AGO1: variants seen among roughly 807,000 people sequenced by gnomAD.
AGO1 encodes the protein protein argonaute-1.
AGO1 carries 11 observed loss-of-function variants against 109.2 expected under a neutral mutation model. The ratio of observed to expected loss-of-function variants is 0.10; its 90% CI spans 0.06 to 0.17. AGO1 has a LOEUF of 0.17. Ranked by LOEUF, AGO1 falls within the 10% of genes least tolerant of loss-of-function variation. The pLI is 1.00. For missense variants in AGO1, 574 were observed against 1,140.3 expected (o/e 0.50, Z 7.15); for synonymous variants, 422 against 418.6 (o/e 1.01, Z -0.10).
chr1:35,877,124 C>T (rs1041332244), intron 1 of AGO1, among the ~76,000 whole-genome samples: 1 of 152,088 alleles, frequency 6.6e-6, no homozygotes, highest in African/African-American at 2.4e-5. Flanking sequence ...TGGGTCAGTT[C>T]GGTTTCAGGC....
chr1:35,915,882 A>G (rs1378067893), intron 15 of AGO1, among the ~76,000 whole-genome samples: 3 of 152,224 alleles, frequency 2.0e-5, no homozygotes, highest in African/African-American at 4.8e-5. Flanking sequence ...AGAGTTTCTG[A>G]TTCAGTGAGT....
Position 35,926,190 on chromosome 1 carries a change from T to C in AGO1, c.*6583T>C, listed in dbSNP as rs976459592. The C allele has an allele frequency of 2.6e-5, 4 of 152,214 alleles. No homozygotes were observed. Among genetic ancestry groups the C allele is most frequent in the Non-Finnish European group, 4.4e-5 (3 of 68,050 alleles). The allele number at this position is 152,214 out of a possible 1,614,324, so 9.4% of individuals were successfully genotyped here. ...GGAGGATGATTATGGCAAATTTTGC[T>C]ATAAACTTTAGTTTTAGAAAAGATT... On this transcript the variant is annotated 3_prime_UTR_variant, in exon 19 of 19. Transcript: ENST00000373204.
In AGO1 at chr1:35,913,822, A is replaced by C. The variant is rs997664963; in HGVS notation, c.1583-20A>C. On this transcript the variant is annotated intron_variant, in intron 12 of 18. Coordinates refer to ENST00000373204, the MANE Select transcript of AGO1 (RefSeq NM_012199.5). ...TAAATATTTGTTGAATGCACTAATC[A>C]TTTCTCTCCCTGCCCTTAGCTGAGG... 1.9e-6 allele frequency: 3 copies of C among 1,610,948 alleles called. No individual in the cohort carries two copies.
rs537000935 is a variant in AGO1 at position 35,928,137 on chromosome 1, A to G, written c.*8530A>G. The G allele has an allele frequency of 1.3e-5, 2 of 152,400 alleles. No homozygotes were observed. The highest frequency in any genetic ancestry group is 2.1e-4 in the South Asian group (1 of 4,830). The allele number at this position is 152,400 out of a possible 1,614,324, so 9.4% of individuals were successfully genotyped here. A position where few individuals can be genotyped will look rare whatever the true frequency, so the allele number is the denominator to read the frequency against. ...TGAGCCTGACTTACTGGGCAGGGAC[A>G]TGACACTTAAAGCGGCAGCTGGCCA... On this transcript the variant is annotated 3_prime_UTR_variant, in exon 19 of 19. Coordinates refer to ENST00000373204, the MANE Select transcript of AGO1 (RefSeq NM_012199.5).
intron 7 of AGO1, 76 bp downstream of exon 7, chr1:35,894,478 C>G (rs1645282083): frequency 1.4e-6 from 2 of 1,390,212 alleles, no homozygotes; most frequent in East Asian, 2.5e-5. Context: ...TTCCCTCCCT[C>G]CCTCCCCCAC....
rs202083240 is a variant in AGO1 at position 35,888,449 on chromosome 1, C to G, written c.48C>G (p.Pro16=). The part of the protein sequence containing the change: ...SGAAAGAYLP[P]LQQVFQAPRR... The stretch of plus-strand genomic sequence containing the variant: ...TAGCTGCGGGCGCTTACCTGCCCCC[C>G]CTGCAGCAGGTGTTCCAGGCACCTC... Residue 16 remains proline (P), a synonymous_variant, in exon 2 of 19, where the codon CCC becomes CCG. Coordinates refer to ENST00000373204, the MANE Select transcript of AGO1 (RefSeq NM_012199.5). The surrounding 1 kb of genome is among the most constrained non-coding windows in gnomAD (Gnocchi z 4.1). 5.0e-6 allele frequency: 8 copies of G among 1,614,160 alleles called. No homozygotes were observed. The highest frequency in any genetic ancestry group is 5.9e-6 in the Non-Finnish European group (7 of 1,180,010).
intron 8 of AGO1, among the ~76,000 whole-genome samples, chr1:35,899,182 G>A (rs1377380034): frequency 6.6e-6 from 1 of 152,170 alleles, no homozygotes; most frequent in African/African-American, 2.4e-5. Context: ...TTAACACAAT[G>A]TCTTCAAGGT....
In AGO1 at chr1:35,893,862, C is replaced by T. The variant is rs757577805; in HGVS notation, c.649+52C>T. 7.6e-5 allele frequency: 120 copies of T among 1,578,184 alleles called. No individual in the cohort carries two copies. Among genetic ancestry groups the T allele is most frequent in the Middle Eastern group, 3.4e-4 (2 of 5,918 alleles). ...GGGCACCCCAAGTCCAGTGACCACA[C>T]TCCCAGCCTCATCCCTCCCAGCTCT... On this transcript the variant is annotated intron_variant, in intron 5 of 18. Transcript: ENST00000373204. The surrounding 1 kb of genome is among the most constrained non-coding windows in gnomAD (Gnocchi z 5.6).
intron 14 of AGO1, among the ~76,000 whole-genome samples, chr1:35,914,946 G>C (rs938765779): frequency 6.6e-6 from 1 of 152,082 alleles, no homozygotes; most frequent in African/African-American, 2.4e-5. Context: ...ATGATTCCTG[G>C]GTAGATTAGC....
intron 8 of AGO1, among the ~76,000 whole-genome samples, chr1:35,896,602 G>C (rs1645324564): frequency 6.6e-6 from 1 of 152,078 alleles, no homozygotes; most frequent in Non-Finnish European, 1.5e-5. Context: ...CAAGTGATCT[G>C]CCTGCCTCGG....
chr1:35,902,050 A>T lies in AGO1; in HGVS notation c.1243A>T (p.Ile415Phe). ...EVTGRVLPAP[I>F]LQYGGRNRAI... is the part of the protein sequence containing the mutation. ...GACAGGGCGAGTGCTGCCGGCGCCC[A>T]TCTTGCAGTACGGCGGCCGGGTGAG... The change falls in exon 10 of 19, where the codon ATC becomes TTC. Residue 415 changes from isoleucine (I) to phenylalanine (F), a missense_variant. By Grantham distance (21) the Ile-to-Phe change is conservative (BLOSUM62 0). Coordinates refer to ENST00000373204, the MANE Select transcript of AGO1 (RefSeq NM_012199.5). 6.2e-7 allele frequency: 1 copy of T among 1,607,804 alleles called. No individual in the cohort carries two copies. The highest frequency in any genetic ancestry group is 8.5e-7 in the Non-Finnish European group (1 of 1,177,128).
Position 35,901,869 on chromosome 1 carries a change from G to A in AGO1, c.1141-79G>A, listed in dbSNP as rs1645422713. The A allele has an allele frequency of 2.0e-6, 3 of 1,517,486 alleles. No homozygotes were observed. The highest frequency in any genetic ancestry group is 2.7e-5 in the South Asian group (2 of 75,096). 94.0% of individuals were successfully genotyped at this position (1,517,486 alleles called of 1,614,324 possible). ...GTACCAACCCCAGCTTCTCCTTAGG[G>A]TTCTCTCCTTGATACCCAGAGGGTG... On this transcript the variant is annotated intron_variant, in intron 9 of 18. Transcript: ENST00000373204. The surrounding 1 kb of genome is among the most constrained non-coding windows in gnomAD (Gnocchi z 4.8).
intron 11 of AGO1, among the ~76,000 whole-genome samples, chr1:35,906,277 T>A (rs1456668328): frequency 6.6e-6 from 1 of 152,164 alleles, no homozygotes; most frequent in East Asian, 1.9e-4. Flanking sequence ...CTCATTTGCT[T>A]TGAGCAGAAA....
At chr1:35,891,530 A>AT (rs1557605539) in intron 2 of AGO1, among the ~76,000 whole-genome samples, 1 of 151,752 alleles carries the variant, frequency 6.6e-6, no homozygotes, top group African/African-American at 2.4e-5. Flanking sequence ...TCTGTTCCTG[A>AT]TTTTTTTGTT....
intron 12 of AGO1, among the ~76,000 whole-genome samples, chr1:35,912,360 GAAAAAAA>G (rs753525049): frequency 4.9e-5 from 2 of 40,618 alleles, no homozygotes; most frequent in South Asian, 9.2e-4. Context: ...CTCTGTCTCA[GAAAAAAA>G]AAAAAAAAAA....
Position 35,902,254 on chromosome 1 carries a change from A to G in AGO1, c.1314A>G (p.Lys438=), listed in dbSNP as rs1645431506. 13 of 1,614,150 alleles carry G rather than the reference A, an allele frequency of 8.1e-6. No individual in the cohort carries two copies. Among genetic ancestry groups the G allele is most frequent in the Non-Finnish European group, 1.0e-5 (12 of 1,180,022 alleles). ...AGGGTGTCTGGGACATGCGGGGGAAACAGTTCTACAATGGGATTGAGATCA... is the reference window on the plus strand; with the variant it reads ...AGGGTGTCTGGGACATGCGGGGGAAGCAGTTCTACAATGGGATTGAGATCA... ...PNQGVWDMRG[K]QFYNGIEIKV... The change falls in exon 11 of 19, where the codon AAA becomes AAG. Residue 438 remains lysine, a synonymous_variant. Transcript: ENST00000373204.
rs372933409 is a variant in AGO1, at chr1:35,894,082, T to C, written c.695T>C (p.Met232Thr). 1 of 1,582,482 alleles carries C rather than the reference T, an allele frequency of 6.3e-7. No individual in the cohort carries two copies. Among genetic ancestry groups the C allele is most frequent in the Non-Finnish European group, 8.6e-7 (1 of 1,165,958 alleles). ...FYKAQPVIEF[M>T]CEVLDIRNID... ...AAGGCACAGCCAGTGATTGAGTTCA[T>C]GTGTGAGGTGCTGGACATCAGGAAC... The change falls in exon 6 of 19, where the codon ATG becomes ACG. Residue 232 changes from methionine (M) to threonine (T), a missense_variant. Transcript: ENST00000373204.
At chr1:35,906,811 A>G in intron 11 of AGO1, 124 bp from the exon 12 acceptor site, 1 of 746,066 alleles carries the variant, frequency 1.3e-6, no homozygotes. Context: ...TCTCAAGGAA[A>G]AAAAAAAAAA....
chr1:35,879,337 A>T (rs1323938208), upstream of AGO1, among the ~76,000 whole-genome samples: 1 of 152,226 alleles, frequency 6.6e-6, no homozygotes, highest in Non-Finnish European at 1.5e-5. Context: ...AATCCCAGCT[A>T]CTTGGGAGGC....
Sources: allele counts gnomAD v4.1 joint callset (sites outside exome capture counted in the v4.1 genomes callset), GRCh38; gene constraint gnomAD v4.1.1; non-coding constraint Gnocchi (gnomAD v3.1); transcripts MANE v1.5; gene names NCBI Gene and HGNC (gene_info 2026-07-23, HGNC 2026-07-21).